ZNF385D: variants seen among roughly 807,000 people sequenced by gnomAD.
ZNF385D encodes the protein zinc finger protein 659.
Under a neutral mutation model 35.8 loss-of-function variants are expected in ZNF385D, and 15 were observed. That is an observed-to-expected ratio of 0.42 (90% CI 0.28 to 0.64). ZNF385D has a LOEUF of 0.64. Among genes scored for constraint, ZNF385D ranks in the 30% least tolerant of loss-of-function variants. The probability of loss-of-function intolerance (pLI) is 0.23; values close to 1 mark genes in which losing one functional copy is unlikely to be tolerated. For missense variants in ZNF385D, 474 were observed against 494.6 expected, an observed-to-expected ratio of 0.96 and a Z score of 0.39; for synonymous variants, 212 against 186.8, an observed-to-expected ratio of 1.13 and a Z score of -1.10.
chr3:21,661,976 T>G (rs1459266859), intron 2 of ZNF385D, among the ~76,000 whole-genome samples: 2 of 152,174 alleles, frequency 1.3e-5, no homozygotes, highest in Non-Finnish European at 2.9e-5. Context: ...AATTTTTCCT[T>G]TATGTTTCTG....
Position 22,058,368 on chromosome 3 carries a change from A to G in ZNF385D, c.325+110449T>C, listed in dbSNP as rs529353276. The stretch of plus-strand genomic sequence containing the variant: ...ACAGTTGCCTCACACCCAAGCCTCC[A>G]GGATTCAAGCCAGGATAGAACCCTA... On this transcript the variant is annotated intron_variant, in intron 3 of 5. Transcript: ENST00000494108. Among the ~76,000 whole-genome samples the G allele has an allele frequency of 2.0e-5, 3 of 152,354 alleles. No individual in the cohort carries two copies. In the East Asian group the frequency reaches 5.8e-4, roughly 29 times the overall value.
chr3:21,547,471 G>T (rs1346702092), intron 3 of ZNF385D, among the ~76,000 whole-genome samples: 1 of 143,902 alleles, frequency 6.9e-6, no homozygotes, highest in African/African-American at 3.0e-5. Context: ...AGCGTCTGAC[G>T]ATAGCCCCTT....
At chr3:21,706,224 A>G (rs2067893343) in intron 1 of ZNF385D, among the ~76,000 whole-genome samples, 1 of 152,152 alleles carries the variant, frequency 6.6e-6, no homozygotes, top group African/African-American at 2.4e-5. Flanking sequence ...CACTGGCAAA[A>G]CAAAACTCTT....
At chr3:21,454,986 T>C (rs1331933368) in intron 4 of ZNF385D, among the ~76,000 whole-genome samples, 1 of 152,124 alleles carries the variant, frequency 6.6e-6, no homozygotes, top group Non-Finnish European at 1.5e-5. Flanking sequence ...CCATTCACAA[T>C]TGCTTCAAAG....
intron 2 of ZNF385D, among the ~76,000 whole-genome samples, chr3:22,317,015 C>T (rs982906281): frequency 1.3e-5 from 2 of 151,728 alleles, no homozygotes; most frequent in Admixed American, 6.6e-5. Flanking sequence ...CAGTGACTCA[C>T]CCCTGAAATC....
At chr3:22,264,568 T>C (rs565022678) in intron 2 of ZNF385D, among the ~76,000 whole-genome samples, 25 of 152,102 alleles carry the variant, frequency 1.6e-4, no homozygotes, top group African/African-American at 5.1e-4. Flanking sequence ...ACATTTTAAA[T>C]TGAGTTTTTC....
At chr3:21,491,366 G>A (rs575279222) in intron 4 of ZNF385D, among the ~76,000 whole-genome samples, 3 of 152,076 alleles carry the variant, frequency 2.0e-5, no homozygotes, top group Admixed American at 2.0e-4. Context: ...CATAAGTCAG[G>A]AAGGCTTTGA....
intron 3 of ZNF385D, among the ~76,000 whole-genome samples, chr3:21,888,413 T>C (rs1478115205): frequency 6.6e-6 from 1 of 151,930 alleles, no homozygotes; most frequent in Non-Finnish European, 1.5e-5. Context: ...GAAGAACCAT[T>C]GGGAAGCAGA....
At chr3:21,842,954 G>A (rs745863690) in intron 3 of ZNF385D, among the ~76,000 whole-genome samples, 47 of 152,064 alleles carry the variant, frequency 3.1e-4, no homozygotes, top group Non-Finnish European at 5.6e-4. Flanking sequence ...AAATTGCACT[G>A]CATTACATGC....
At chr3:21,585,848 T>C (rs1477557258) in intron 2 of ZNF385D, among the ~76,000 whole-genome samples, 2 of 151,912 alleles carry the variant, frequency 1.3e-5, no homozygotes, top group Non-Finnish European at 2.9e-5. Flanking sequence ...GCATGGAAAA[T>C]GGAGAGATAA....
intron 2 of ZNF385D, among the ~76,000 whole-genome samples, chr3:22,334,023 T>G (rs1695054201): frequency 6.6e-6 from 1 of 152,216 alleles, no homozygotes; most frequent in South Asian, 2.1e-4. Context: ...CTCTGCTTAT[T>G]TCATCTTACC....
chr3:21,826,891 A>G (rs1694677503), intron 3 of ZNF385D, among the ~76,000 whole-genome samples: 1 of 151,670 alleles, frequency 6.6e-6, no homozygotes, highest in Non-Finnish European at 1.5e-5. Context: ...TCTTGGAGGT[A>G]CCTGAAGGAA....
intron 3 of ZNF385D, among the ~76,000 whole-genome samples, chr3:21,773,243 T>G (rs1386291916): frequency 6.6e-6 from 1 of 151,290 alleles, no homozygotes; most frequent in African/African-American, 2.4e-5. Flanking sequence ...AAAATAAAAT[T>G]GGAAAGAGAA....
intron 3 of ZNF385D, among the ~76,000 whole-genome samples, chr3:21,840,242 G>A (rs779843274): frequency 6.6e-5 from 10 of 152,038 alleles, no homozygotes; most frequent in Non-Finnish European, 1.3e-4. Flanking sequence ...AAGACATGGG[G>A]TAAGATGTGG....
At chr3:21,697,756 A>G (rs951437938) in intron 1 of ZNF385D, among the ~76,000 whole-genome samples, 6 of 152,294 alleles carry the variant, frequency 3.9e-5, no homozygotes, top group Non-Finnish European at 8.8e-5. Context: ...AAATAACTCA[A>G]CAAGAAAAAA....
intron 3 of ZNF385D, among the ~76,000 whole-genome samples, chr3:21,807,949 G>C (rs1416064937): frequency 6.6e-6 from 1 of 152,132 alleles, no homozygotes; most frequent in Non-Finnish European, 1.5e-5. Context: ...TATTTGCATT[G>C]TCTCAATAAT....
intron 1 of ZNF385D, among the ~76,000 whole-genome samples, chr3:21,729,037 A>T (rs1266765615): frequency 2.6e-5 from 4 of 152,172 alleles, no homozygotes; most frequent in African/African-American, 9.7e-5. Flanking sequence ...AAATGTCTTC[A>T]CTGTCTATGC....
intron 2 of ZNF385D, among the ~76,000 whole-genome samples, chr3:21,582,925 A>C (rs896011872): frequency 6.6e-6 from 1 of 151,984 alleles, no homozygotes; most frequent in African/African-American, 2.4e-5. Flanking sequence ...TTATAGGCAC[A>C]CACCACCACG....
chr3:21,547,620 G>GTTTT (rs113689036), intron 3 of ZNF385D, among the ~76,000 whole-genome samples: 1 of 141,208 alleles, frequency 7.1e-6, no homozygotes, highest in African/African-American at 2.6e-5. Context: ...GTTTTGTTTT[G>GTTTT]TTTTTTTTTT....
Sources: gnomAD v4.1 joint callset for allele counts (sites outside exome capture counted in the v4.1 genomes callset) on GRCh38, gnomAD v4.1.1 for gene constraint, MANE v1.5 for transcripts, NCBI Gene and HGNC (gene_info 2026-07-23, HGNC 2026-07-21) for gene names.